PRXL2A: variants seen among roughly 807,000 people sequenced by gnomAD.
PRXL2A encodes the protein peroxiredoxin like 2A.
In PRXL2A, 26 loss-of-function variants were observed where a neutral mutation model predicts 25.6. That is an observed-to-expected ratio of 1.02 (90% confidence interval 0.74 to 1.41). PRXL2A has a LOEUF of 1.41. PRXL2A is among the 40% of genes most tolerant of loss of function. The pLI is 0.00. For synonymous variants in PRXL2A, 98 were observed against 102.9 expected (o/e 0.95, Z 0.29); for missense variants, 246 against 273.9 (o/e 0.90, Z 0.72).
chr10:80,416,005 A>T (rs145624889), intron 1 of PRXL2A, among the ~76,000 whole-genome samples: 1 of 152,202 alleles, frequency 6.6e-6, no homozygotes, highest in African/African-American at 2.4e-5. Context: ...AGACCATTCT[A>T]TGTGCTCCTG....
At position 80,434,221 on chromosome 10, in the gene PRXL2A, T is replaced by C. The variant is rs748235086; in HGVS notation, c.*2122T>C. 1.3e-5 allele frequency: 2 copies of C among 152,206 alleles called. No individual in the cohort carries two copies. The highest frequency in any genetic ancestry group is 2.9e-5 in the Non-Finnish European group (2 of 68,034). 9.4% of individuals were successfully genotyped at this position (152,206 alleles called of 1,614,324 possible). A position where few individuals can be genotyped will look rare whatever the true frequency, so the allele number is the denominator to read the frequency against. On this transcript the variant is annotated 3_prime_UTR_variant, in exon 6 of 6. Coordinates refer to ENST00000606162, the MANE Select transcript of PRXL2A (RefSeq NM_032333.5). ...TTTTTGTGAGCTCTCACCAACTTTT[T>C]TCCCCTGGGTCCTCACGTGCAGTGT... is the stretch of plus-strand genomic sequence containing the variant.
chr10:80,427,841 C>CT (rs534123049), intron 5 of PRXL2A, among the ~76,000 whole-genome samples: 10 of 152,290 alleles, frequency 6.6e-5, no homozygotes, highest in Admixed American at 3.3e-4. Context: ...GGTTTGCTGA[C>CT]TTTAAGTTCA....
rs563809917 is a variant in PRXL2A, at chr10:80,422,516, C to G, written c.270+8C>G. 1 of 1,609,530 alleles carries G rather than the reference C, an allele frequency of 6.2e-7. No homozygotes were observed. Among genetic ancestry groups the G allele is most frequent in the South Asian group, 1.1e-5 (1 of 90,948 alleles). On this transcript the variant is annotated splice_region_variant and intron_variant, in intron 3 of 5. Transcript: ENST00000606162. Reference sequence around the variant, plus strand: ...TGTTTCCTCTGTCGAGAGGTGAGTGCAGATGAGGATCTATTCAGAGAAAGG... The same window carrying G: ...TGTTTCCTCTGTCGAGAGGTGAGTGGAGATGAGGATCTATTCAGAGAAAGG...
intron 5 of PRXL2A, among the ~76,000 whole-genome samples, chr10:80,428,072 C>T (rs760337034): frequency 1.3e-5 from 2 of 151,940 alleles, no homozygotes; most frequent in Admixed American, 1.3e-4. Flanking sequence ...AAGGAGGTTG[C>T]GGGGAGACGA....
In PRXL2A at chr10:80,432,039, T is replaced by C. The variant is rs1845280320; in HGVS notation, c.630T>C (p.Leu210=). Residue 210 remains leucine (L), a synonymous_variant, in exon 6 of 6, where the codon CTT becomes CTC. Coordinates refer to ENST00000606162, the MANE Select transcript of PRXL2A (RefSeq NM_032333.5). The stretch of plus-strand genomic sequence containing the variant: ...AATTTGGAGACAAAGTAAACCTACT[T>C]TCTGTTCTGGAAGCTGCTAAGATGA... ...EKEFGDKVNL[L]SVLEAAKMIK... 1 of 1,611,062 alleles carries C rather than the reference T, an allele frequency of 6.2e-7. No homozygotes were observed. The highest frequency in any genetic ancestry group is 1.3e-5 in the African/African-American group (1 of 74,496).
rs976119994 is a variant in PRXL2A, at chr10:80,412,061, A to G, written c.-3+3418A>G. Among the ~76,000 whole-genome samples the G allele has an allele frequency of 3.3e-5, 5 of 152,306 alleles. No homozygotes were observed. The South Asian group carries it at 1.0e-3, about 32-fold the overall frequency. Reference sequence around the variant, plus strand: ...GGAGGCAGGGTGAATGTGCACACCCAGCAGAAGAACAGTGGTGGCAGGGGT... The same window carrying G: ...GGAGGCAGGGTGAATGTGCACACCCGGCAGAAGAACAGTGGTGGCAGGGGT... On this transcript the variant is annotated intron_variant, in intron 1 of 5. Coordinates refer to ENST00000606162, the MANE Select transcript of PRXL2A (RefSeq NM_032333.5).
chr10:80,427,193 G>C, intron 4 of PRXL2A, 139 bp from the exon 5 acceptor site: 2 of 631,474 alleles, frequency 3.2e-6, no homozygotes, highest in East Asian at 5.5e-5. Flanking sequence ...GTGTGTGTGT[G>C]TTGGGTGGGA....
intron 2 of PRXL2A, among the ~76,000 whole-genome samples, chr10:80,421,192 T>C (rs866966342): frequency 6.6e-6 from 1 of 152,294 alleles, no homozygotes; most frequent in Middle Eastern, 3.4e-3. Context: ...CCCCTCCCTG[T>C]GAAGAAGCTG....
chr10:80,416,324 G>A (rs1412416730), intron 1 of PRXL2A, among the ~76,000 whole-genome samples: 1 of 152,212 alleles, frequency 6.6e-6, no homozygotes, highest in African/African-American at 2.4e-5. Context: ...CTTTGTACCA[G>A]AGGTGCGCTG....
At chr10:80,425,807 T>G in intron 3 of PRXL2A, 59 bp from the exon 4 acceptor site, 1 of 1,606,962 alleles carries the variant, frequency 6.2e-7, no homozygotes, top group Non-Finnish European at 8.5e-7. Flanking sequence ...CCTGACACCC[T>G]ATGTGGAGGC....
intron 1 of PRXL2A, among the ~76,000 whole-genome samples, chr10:80,419,491 A>G (rs1019412895): frequency 6.7e-6 from 1 of 149,490 alleles, no homozygotes; most frequent in Non-Finnish European, 1.5e-5. Flanking sequence ...TATTTTTAGT[A>G]GAGATGAGGT....
chr10:80,415,803 C>T (rs544464799), intron 1 of PRXL2A, among the ~76,000 whole-genome samples: 1 of 152,306 alleles, frequency 6.6e-6, no homozygotes, highest in South Asian at 2.1e-4. Context: ...AAACGCCCAT[C>T]ACTGGACAGT....
chr10:80,429,867 C>T lies in PRXL2A; in HGVS notation c.577-2119C>T, dbSNP rs1350878147. Among the ~76,000 whole-genome samples, 3 of 152,188 alleles carry T rather than the reference C, an allele frequency of 2.0e-5. No homozygotes were observed. In the East Asian group the frequency reaches 5.8e-4, roughly 29 times the overall value. On this transcript the variant is annotated intron_variant, in intron 5 of 5. Coordinates refer to ENST00000606162, the MANE Select transcript of PRXL2A (RefSeq NM_032333.5). ...CTAGGGCAGGGCTTGGCATGCCTGC[C>T]AGCCTTTTCTTGCCTGGCGATGACT...
At chr10:80,412,118 A>G (rs1195676928) in intron 1 of PRXL2A, among the ~76,000 whole-genome samples, 1 of 152,136 alleles carries the variant, frequency 6.6e-6, no homozygotes, top group African/African-American at 2.4e-5. Context: ...AGATCCCTGT[A>G]GTTGCAGTCA....
chr10:80,418,232 A>G (rs1425455220), intron 1 of PRXL2A, among the ~76,000 whole-genome samples: 7 of 151,866 alleles, frequency 4.6e-5, no homozygotes. Flanking sequence ...CATGTATACT[A>G]TTGATTAGCT....
At chr10:80,429,507 C>T (rs1845157565) in intron 5 of PRXL2A, among the ~76,000 whole-genome samples, 1 of 152,030 alleles carries the variant, frequency 6.6e-6, no homozygotes, top group Non-Finnish European at 1.5e-5. Flanking sequence ...ATCTGTCAAA[C>T]TCCAGAGACC....
upstream of PRXL2A, chr10:80,407,893 T>G (rs927025480): frequency 1.3e-5 from 2 of 152,354 alleles, no homozygotes; most frequent in African/African-American, 4.8e-5. Context: ...ATTACAGGCG[T>G]GAGCCAGCGC....
At chr10:80,429,588 T>TCTTGC (rs1554853161) in intron 5 of PRXL2A, among the ~76,000 whole-genome samples, 5 of 77,300 alleles carry the variant, frequency 6.5e-5, no homozygotes, top group Non-Finnish European at 1.0e-4. Flanking sequence ...CCCTAGCCTC[T>TCTTGC]CCTGCCCTGC....
intron 1 of PRXL2A, among the ~76,000 whole-genome samples, chr10:80,413,564 A>C (rs1364241965): frequency 1.3e-5 from 2 of 152,212 alleles, no homozygotes; most frequent in African/African-American, 4.8e-5. Flanking sequence ...TCTGCACCGG[A>C]TAGCAGAGGA....
Sources: gnomAD v4.1 joint callset for allele counts (sites outside exome capture counted in the v4.1 genomes callset) on GRCh38, gnomAD v4.1.1 for gene constraint, MANE v1.5 for transcripts, NCBI Gene and HGNC (gene_info 2026-07-23, HGNC 2026-07-21) for gene names.